GRID1: variants seen among roughly 807,000 people sequenced by gnomAD.
The protein encoded by GRID1 is glutamate ionotropic receptor delta type subunit 1.
In GRID1, 28 loss-of-function variants were observed where a neutral mutation model predicts 98.0. The ratio of observed to expected loss-of-function variants is 0.29; its 90% CI spans 0.21 to 0.39. The LOEUF (loss-of-function observed/expected upper bound fraction) is 0.39, where lower values mean the gene tolerates loss of function less well. Among genes scored for constraint, GRID1 ranks in the 10% least tolerant of loss-of-function variants. The probability of loss-of-function intolerance (pLI) is 1.00; values close to 1 mark genes in which losing one functional copy is unlikely to be tolerated. For missense variants in GRID1, 1,111 were observed against 1,340.5 expected (o/e 0.83, Z 2.67); for synonymous variants, 553 against 538.5 (o/e 1.03, Z -0.37).
chr10:85,970,333 C>G (rs1224102096), intron 4 of GRID1, among the ~76,000 whole-genome samples: 1 of 151,976 alleles, frequency 6.6e-6, no homozygotes, highest in Non-Finnish European at 1.5e-5. Flanking sequence ...CTACTGTTAC[C>G]CTGATACTAA....
chr10:85,999,853 T>C (rs971438118), intron 4 of GRID1, among the ~76,000 whole-genome samples: 3 of 152,172 alleles, frequency 2.0e-5, no homozygotes, highest in Non-Finnish European at 4.4e-5. Context: ...TTCTAAAACC[T>C]ATGTCTAACA....
At chr10:86,277,226 T>C (rs573247358) in intron 2 of GRID1, among the ~76,000 whole-genome samples, 6 of 152,352 alleles carry the variant, frequency 3.9e-5, no homozygotes, top group African/African-American at 1.2e-4. Context: ...GTTTAGGTTA[T>C]ATAAATTTTA....
intron 8 of GRID1, among the ~76,000 whole-genome samples, chr10:85,764,994 C>T (rs1001451359): frequency 1.3e-5 from 2 of 152,132 alleles, no homozygotes; most frequent in African/African-American, 4.8e-5. Flanking sequence ...TTTGAGGATT[C>T]CAGTACATCT....
intron 4 of GRID1, among the ~76,000 whole-genome samples, chr10:85,995,014 T>C (rs980931870): frequency 1.3e-5 from 2 of 152,244 alleles, no homozygotes; most frequent in Non-Finnish European, 1.5e-5. Context: ...TAAATGTTTT[T>C]AAAGGCACAT....
intron 3 of GRID1, among the ~76,000 whole-genome samples, chr10:86,152,312 T>C (rs892423235): frequency 5.9e-5 from 9 of 152,126 alleles, no homozygotes; most frequent in Non-Finnish European, 1.2e-4. Flanking sequence ...CACAGAAGGA[T>C]AGCCACAGTG....
chr10:86,100,084 A>G (rs568136402), intron 4 of GRID1, among the ~76,000 whole-genome samples: 3 of 152,152 alleles, frequency 2.0e-5, no homozygotes, highest in African/African-American at 4.8e-5. Flanking sequence ...GGGCAAAGAG[A>G]CCCTGACTCA....
chr10:85,991,127 T>C (rs1467401874), intron 4 of GRID1, among the ~76,000 whole-genome samples: 1 of 152,130 alleles, frequency 6.6e-6, no homozygotes, highest in African/African-American at 2.4e-5. Flanking sequence ...TGCCCAGAGT[T>C]GCCTGATTGT....
At chr10:85,632,498 C>T (rs965104600) in intron 13 of GRID1, among the ~76,000 whole-genome samples, 2 of 152,126 alleles carry the variant, frequency 1.3e-5, no homozygotes, top group African/African-American at 2.4e-5. Context: ...CTAACAAGTT[C>T]CCACATGATG....
chr10:86,208,892 C>T (rs1211506244), intron 2 of GRID1, among the ~76,000 whole-genome samples: 2 of 152,208 alleles, frequency 1.3e-5, no homozygotes, highest in African/African-American at 4.8e-5. Flanking sequence ...CAATCCAAAA[C>T]CATTCAGAGG....
chr10:85,657,573 G>A (rs549766336), intron 12 of GRID1, among the ~76,000 whole-genome samples: 1 of 152,292 alleles, frequency 6.6e-6, no homozygotes, highest in African/African-American at 2.4e-5. Context: ...TTCATCTTGG[G>A]TTGACTAGTC....
At chr10:85,864,071 C>A (rs1014955268) in intron 6 of GRID1, among the ~76,000 whole-genome samples, 1 of 152,204 alleles carries the variant, frequency 6.6e-6, no homozygotes, top group African/African-American at 2.4e-5. Flanking sequence ...ATTAATCAAG[C>A]AAAGTGGACA....
chr10:85,971,223 A>G (rs1842403204), intron 4 of GRID1, among the ~76,000 whole-genome samples: 1 of 152,032 alleles, frequency 6.6e-6, no homozygotes, highest in African/African-American at 2.4e-5. Context: ...AGGTAAAATA[A>G]AAATAAATAA....
intron 4 of GRID1, among the ~76,000 whole-genome samples, chr10:85,925,558 G>C (rs1251002986): frequency 6.6e-6 from 1 of 152,182 alleles, no homozygotes; most frequent in Non-Finnish European, 1.5e-5. Flanking sequence ...TCCAGCTTCA[G>C]GTGATTTTCA....
In GRID1 at chr10:86,206,202, C is replaced by T. The variant is rs948245132; in HGVS notation, c.520+162G>A. Among the ~76,000 whole-genome samples the T allele has an allele frequency of 6.6e-6, 1 of 152,218 alleles. No individual in the cohort carries two copies. The highest frequency in any genetic ancestry group is 1.5e-5 in the Non-Finnish European group (1 of 68,040). ...CCTATCTATGGAGCTGTTGTTGCAG[C>T]TCTTCCTGACTCATGAAGCTCGAGG... On this transcript the variant is annotated intron_variant, in intron 3 of 15. Transcript: ENST00000327946. This position sits in a 1 kb window ranked among gnomAD's most constrained non-coding sequence, Gnocchi z 4.1.
intron 2 of GRID1, among the ~76,000 whole-genome samples, chr10:86,358,349 T>C (rs542800660): frequency 6.6e-6 from 1 of 152,180 alleles, no homozygotes; most frequent in East Asian, 1.9e-4. Context: ...TGTGCCAACA[T>C]GGTAGGAGAA....
intron 4 of GRID1, among the ~76,000 whole-genome samples, chr10:85,922,182 G>A (rs1449813203): frequency 3.9e-5 from 6 of 152,156 alleles, no homozygotes; most frequent in Non-Finnish European, 8.8e-5. Context: ...GTAACAATGG[G>A]AACAAAATGG....
intron 8 of GRID1, among the ~76,000 whole-genome samples, chr10:85,802,882 C>G (rs1842590148): frequency 6.9e-6 from 1 of 145,620 alleles, no homozygotes; most frequent in South Asian, 2.2e-4. Context: ...CACACACACA[C>G]ACACCAAGGA....
At chr10:86,250,527 T>C (rs1464961788) in intron 2 of GRID1, among the ~76,000 whole-genome samples, 1 of 152,318 alleles carries the variant, frequency 6.6e-6, no homozygotes, top group Non-Finnish European at 1.5e-5. Flanking sequence ...AGCAGGCTAA[T>C]CTAAGGAATG....
chr10:86,038,714 T>C (rs1031260872), intron 4 of GRID1, among the ~76,000 whole-genome samples: 1 of 152,242 alleles, frequency 6.6e-6, no homozygotes, highest in Admixed American at 6.5e-5. Flanking sequence ...TACTTCCACT[T>C]CTCAGTCCTT....
Sources: gnomAD v4.1 joint callset for allele counts (sites outside exome capture counted in the v4.1 genomes callset) on GRCh38, gnomAD v4.1.1 for gene constraint, Gnocchi (gnomAD v3.1) non-coding constraint, MANE v1.5 for transcripts, NCBI Gene and HGNC (gene_info 2026-07-23, HGNC 2026-07-21) for gene names.